DCTN1: variants seen among roughly 807,000 people sequenced by gnomAD.
DCTN1 encodes the protein dynactin subunit 1.
DCTN1 carries 61 observed loss-of-function variants against 161.2 expected under a neutral mutation model. The ratio of observed to expected loss-of-function variants is 0.38; its 90% CI spans 0.31 to 0.47. The LOEUF is 0.47. Ranked by LOEUF, DCTN1 falls within the 20% of genes least tolerant of loss-of-function variation. The pLI, the probability that DCTN1 is intolerant of heterozygous loss-of-function variation, is 0.99. For missense variants in DCTN1, 1,404 were observed against 1,623.7 expected (o/e 0.86, Z 2.33); for synonymous variants, 653 against 632.4 (o/e 1.03, Z -0.49).
chr2:74,390,259 T>C (rs985299286), intron 1 of DCTN1, among the ~76,000 whole-genome samples: 2 of 152,234 alleles, frequency 1.3e-5, no homozygotes, highest in African/African-American at 4.8e-5. Flanking sequence ...ATCTAATACT[T>C]GGAGTCAACA....
Position 74,370,681 on chromosome 2 carries a change from C to T in DCTN1, c.988G>A (p.Glu330Lys), listed in dbSNP as rs1255372075. 1 of 1,614,106 alleles carries T rather than the reference C, an allele frequency of 6.2e-7. No individual in the cohort carries two copies. Among genetic ancestry groups the T allele is most frequent in the Non-Finnish European group, 8.5e-7 (1 of 1,180,060 alleles). ...SLQQEVEALK[E>K]RVDELTTDLE... ...TCAGTAGTGAGCTCGTCCACCCGCTCCTTCAGTGCCTCCACCTCCTGCTGC... is the reference window on the plus strand; with the variant it reads ...TCAGTAGTGAGCTCGTCCACCCGCTTCTTCAGTGCCTCCACCTCCTGCTGC... Residue 330 changes from glutamate to lysine, a missense_variant, in exon 10 of 32, where the codon GAG (glutamate) becomes AAG (lysine). Physicochemically the swap from Glu to Lys is moderately conservative, Grantham distance 56. Transcript: ENST00000628224. The surrounding 1 kb of genome is among the most constrained non-coding windows in gnomAD (Gnocchi z 4.4).
At position 74,376,765 on chromosome 2, in the gene DCTN1, G is replaced by A; in HGVS notation, c.394-3C>T. On this transcript the variant is annotated splice_region_variant and splice_polypyrimidine_tract_variant and intron_variant, in intron 4 of 31. Coordinates refer to ENST00000628224, the MANE Select transcript of DCTN1 (RefSeq NM_004082.5). ...ACCTTCTTAGGCTTCAGTCCCCGCTGCATGAGGAGTAGGAAAGGGCAGAGT... is the reference window on the plus strand; with the variant it reads ...ACCTTCTTAGGCTTCAGTCCCCGCTACATGAGGAGTAGGAAAGGGCAGAGT... 1.2e-6 allele frequency: 2 copies of A among 1,603,970 alleles called. No individual in the cohort carries two copies. Among genetic ancestry groups the A allele is most frequent in the Admixed American group, 1.7e-5 (1 of 58,434 alleles).
chr2:74,371,973 G>C, intron 7 of DCTN1: 1 of 525,916 alleles, frequency 1.9e-6, no homozygotes, highest in Non-Finnish European at 3.4e-6. Flanking sequence ...GGGAGGAAAA[G>C]ATAAGAGAAA....
At chr2:74,365,725 C>T in intron 24 of DCTN1, 68 bp from the exon 25 acceptor site, 7 of 1,613,220 alleles carry the variant, frequency 4.3e-6, no homozygotes, top group South Asian at 2.2e-5. Context: ...GGGGGCTAGA[C>T]CATGAGATAG....
Position 74,369,912 on chromosome 2 carries a change from A to G in DCTN1, c.1392+53T>C. 2 of 1,581,470 alleles carry G rather than the reference A, an allele frequency of 1.3e-6. No individual in the cohort carries two copies. Among genetic ancestry groups the G allele is most frequent in the East Asian group, 4.5e-5 (2 of 44,686 alleles). On this transcript the variant is annotated intron_variant, in intron 13 of 31. Transcript: ENST00000628224. This position sits in a 1 kb window ranked among gnomAD's most constrained non-coding sequence, Gnocchi z 4.9. ...CTCAAAGGCCAAGGGTCACATGTCA[A>G]TCTTTTTCTCAGCAGGTCCAAGTCA... is the stretch of plus-strand genomic sequence containing the variant.
At position 74,363,325 on chromosome 2, in the gene DCTN1, G is replaced by C. The variant is rs1011124572; in HGVS notation, c.3314C>G (p.Ser1105Cys). The C allele has an allele frequency of 6.2e-7, 1 of 1,613,764 alleles. No homozygotes were observed. Among genetic ancestry groups the C allele is most frequent in the Non-Finnish European group, 8.5e-7 (1 of 1,179,860 alleles). ...GATGCTGTTCTCATGCTGGAGCTGG[G>C]AGATGTGCAGCCTCATGGCAGAGAT... ...QQISAMRLHI[S>C]QLQHENSILK... The change falls in exon 28 of 32, where the codon TCC becomes TGC. Residue 1105 changes from serine (S) to cysteine (C), a missense_variant. Ser to Cys is a moderately radical substitution (Grantham distance 112). This residue lies in a region of DCTN1 where 311 missense variants were observed against 298.9 expected (regional missense o/e 1.04). Transcript: ENST00000628224.
At chr2:74,388,368 C>A (rs1012027661) in intron 1 of DCTN1, among the ~76,000 whole-genome samples, 2 of 152,134 alleles carry the variant, frequency 1.3e-5, no homozygotes, top group African/African-American at 4.8e-5. Flanking sequence ...CATAGTGATA[C>A]CCCATCTCTA....
chr2:74,363,049 T>C lies in DCTN1; in HGVS notation c.3474A>G (p.Thr1158=). Residue 1158 remains threonine, a synonymous_variant, in exon 29 of 32, where the codon ACA becomes ACG. Coordinates refer to ENST00000628224, the MANE Select transcript of DCTN1 (RefSeq NM_004082.5). ...GCGTGTGTGTGCTCAATTGATTCAA[T>C]GTCTCCAGCAGCTGGCTGGTCTTAC... ...LYRKTSQLLE[T]LNQLSTHTHV... is the part of the protein sequence containing the mutation. The C allele has an allele frequency of 1.9e-6, 3 of 1,613,990 alleles. No homozygotes were observed. Among genetic ancestry groups the C allele is most frequent in the Non-Finnish European group, 8.5e-7 (1 of 1,179,954 alleles).
At chr2:74,388,101 C>A (rs2103775231) in intron 1 of DCTN1, among the ~76,000 whole-genome samples, 1 of 152,220 alleles carries the variant, frequency 6.6e-6, no homozygotes, top group African/African-American at 2.4e-5. Context: ...GTAGTCCCAC[C>A]TGTAGTAGCT....
chr2:74,377,565 C>A (rs902069079), intron 3 of DCTN1, 83 bp downstream of exon 3: 29 of 1,517,412 alleles, frequency 1.9e-5, no homozygotes, highest in Non-Finnish European at 2.7e-5. Context: ...ATCTTAGGAT[C>A]TACTGTGGCC....
Position 74,361,477 on chromosome 2 carries a change from G to C in DCTN1, c.*22C>G. 6.2e-7 allele frequency: 1 copy of C among 1,613,916 alleles called. No homozygotes were observed. Among genetic ancestry groups the C allele is most frequent in the Non-Finnish European group, 8.5e-7 (1 of 1,180,004 alleles). On this transcript the variant is annotated 3_prime_UTR_variant, in exon 32 of 32. Coordinates refer to ENST00000628224, the MANE Select transcript of DCTN1 (RefSeq NM_004082.5). ...GCACCAGAGGGCTGAGGGTCGAAGG[G>C]GACAGCAGGGGAAAGGAGTGCTTAG...
At chr2:74,388,854 T>C (rs13409576) in intron 1 of DCTN1, among the ~76,000 whole-genome samples, 60 of 152,194 alleles carry the variant, frequency 3.9e-4, no homozygotes, top group African/African-American at 1.3e-3. Flanking sequence ...GTAGCTCCAC[T>C]CTTGAAGACC....
chr2:74,377,942 CTGCACATGCGACAGACATGTGCACACA>C, intron 2 of DCTN1, 31 bp downstream of exon 2: 1 of 1,608,306 alleles, frequency 6.2e-7, no homozygotes, highest in South Asian at 1.1e-5. Context: ...AACACATCAG[CTGCACATGCGACAGACATGTGCACACA>C]TGCACAGACA....
chr2:74,377,367 G>T, intron 4 of DCTN1, 65 bp downstream of exon 4: 1 of 1,408,118 alleles, frequency 7.1e-7, no homozygotes, highest in Admixed American at 1.7e-5. Context: ...CTAGCACTGG[G>T]TATCCCTCCT....
In DCTN1 at chr2:74,377,052, C is replaced by G. The variant is rs1468827773; in HGVS notation, c.394-290G>C. On this transcript the variant is annotated intron_variant, in intron 4 of 31. Transcript: ENST00000628224. ...AGAGGGCCCGGCTCCTTGCCATTCACTTGTGAATAGGAGATTGCTTCTTCC... is the reference window on the plus strand; with the variant it reads ...AGAGGGCCCGGCTCCTTGCCATTCAGTTGTGAATAGGAGATTGCTTCTTCC... 3.9e-5 allele frequency among the ~76,000 whole-genome samples: 6 copies of G among 152,218 alleles called. No individual in the cohort carries two copies. The East Asian group carries it at 1.2e-3, about 29-fold the overall frequency.
chr2:74,378,271 A>C, intron 1 of DCTN1, 26 bp from the exon 2 acceptor site: 8 of 1,601,718 alleles, frequency 5.0e-6, no homozygotes, highest in Non-Finnish European at 6.8e-6. Flanking sequence ...AAACACAGAC[A>C]GTTAGAGGCC....
chr2:74,370,091 G>A lies in DCTN1; in HGVS notation c.1288-22C>T, dbSNP rs1427446931. The A allele has an allele frequency of 1.2e-6, 2 of 1,614,186 alleles. No homozygotes were observed. The highest frequency in any genetic ancestry group is 2.2e-5 in the East Asian group (1 of 44,884). On this transcript the variant is annotated intron_variant, in intron 12 of 31. Transcript: ENST00000628224. The surrounding 1 kb of genome is among the most constrained non-coding windows in gnomAD (Gnocchi z 4.4). The stretch of plus-strand genomic sequence containing the variant: ...CCACCTGTGTTACGGGGAGGATAGG[G>A]AGAAGGGCTGCTGGAAGGTACCTAG...
At chr2:74,364,391 C>G (rs1558934110) in intron 26 of DCTN1, 1 of 158,608 alleles carries the variant, frequency 6.3e-6, no homozygotes, top group East Asian at 1.9e-4. Context: ...GGGCAAAAAG[C>G]CTGTCTTCTG....
chr2:74,378,309 T>C lies in DCTN1; in HGVS notation c.34-64A>G, dbSNP rs1390077106. ...AGATCAAAGGTGGCATTCTTATGTA[T>C]AAGAAATGCCTCAGCCAAGATGCTG... On this transcript the variant is annotated intron_variant, in intron 1 of 31. Transcript: ENST00000628224. 8 of 1,584,740 alleles carry C rather than the reference T, an allele frequency of 5.0e-6. No homozygotes were observed. The African/African-American group carries it at 8.0e-5, about 16-fold the overall frequency.
Sources: allele counts gnomAD v4.1 joint callset (sites outside exome capture counted in the v4.1 genomes callset), GRCh38; gene constraint gnomAD v4.1.1; regional missense constraint gnomAD v4.1.1; non-coding constraint Gnocchi (gnomAD v3.1); transcripts MANE v1.5; gene names NCBI Gene and HGNC (gene_info 2026-07-23, HGNC 2026-07-21).